Variants in GPC6 observed in about 807,000 individuals in gnomAD.
The protein encoded by GPC6 is glypican 6.
Under a neutral mutation model 55.2 loss-of-function variants are expected in GPC6, and 14 were observed. That is an observed-to-expected ratio of 0.25 (90% CI 0.17 to 0.40). GPC6 has a LOEUF of 0.40. Ranked by LOEUF, GPC6 falls within the 10% of genes least tolerant of loss-of-function variation. The pLI is 1.00. For synonymous variants in GPC6, 278 were observed against 259.6 expected (o/e 1.07, Z -0.68); for missense variants, 641 against 708.5 (o/e 0.90, Z 1.08).
chr13:93,613,946 T>A (rs1878603471), intron 2 of GPC6, among the ~76,000 whole-genome samples: 1 of 152,190 alleles, frequency 6.6e-6, no homozygotes, highest in Non-Finnish European at 1.5e-5. Flanking sequence ...ATTGCCTGGA[T>A]TCCAGTCAAT....
chr13:94,374,213 A>T (rs1474661771), intron 6 of GPC6, among the ~76,000 whole-genome samples: 4 of 150,294 alleles, frequency 2.7e-5, no homozygotes, highest in Admixed American at 1.3e-4. Context: ...CACACATAAC[A>T]ATATTAACTT....
intron 1 of GPC6, among the ~76,000 whole-genome samples, chr13:93,471,654 T>C (rs1879121553): frequency 6.6e-6 from 1 of 152,042 alleles, no homozygotes; most frequent in Non-Finnish European, 1.5e-5. Context: ...TATTTAGAAG[T>C]GTGTTGTTAG....
intron 1 of GPC6, among the ~76,000 whole-genome samples, chr13:93,360,023 A>G (rs1334017134): frequency 6.6e-6 from 1 of 152,232 alleles, no homozygotes; most frequent in Non-Finnish European, 1.5e-5. Context: ...GGAGAAGATG[A>G]AAGTTTTTTC....
intron 2 of GPC6, among the ~76,000 whole-genome samples, chr13:93,805,312 G>A (rs1886510030): frequency 6.6e-6 from 1 of 152,050 alleles, no homozygotes; most frequent in Non-Finnish European, 1.5e-5. Context: ...ATGCCACCCT[G>A]TATTCTAAGT....
chr13:94,084,862 C>T (rs1885225265), intron 4 of GPC6, among the ~76,000 whole-genome samples: 1 of 151,996 alleles, frequency 6.6e-6, no homozygotes, highest in African/African-American at 2.4e-5. Flanking sequence ...TAGGTAACAC[C>T]ACAAAGAGGC....
At chr13:94,091,910 G>T (rs1358583953) in intron 4 of GPC6, among the ~76,000 whole-genome samples, 1 of 75,084 alleles carries the variant, frequency 1.3e-5, no homozygotes, top group Non-Finnish European at 4.2e-5. Flanking sequence ...GTGTGTGTTT[G>T]TGTGTGTGTG....
chr13:93,349,704 C>T (rs1258545064), intron 1 of GPC6, among the ~76,000 whole-genome samples: 3 of 152,088 alleles, frequency 2.0e-5, no homozygotes, highest in African/African-American at 4.8e-5. Flanking sequence ...TATTTTAAGT[C>T]GAGTGAGTTT....
intron 3 of GPC6, among the ~76,000 whole-genome samples, chr13:93,850,935 G>T (rs1888371080): frequency 6.6e-6 from 1 of 151,940 alleles, no homozygotes; most frequent in Non-Finnish European, 1.5e-5. Flanking sequence ...TGAGCATTTA[G>T]ATCTGCCTTG....
rs573227018 is a variant in GPC6, at chr13:93,523,409, ATAT to A, written c.161-21850_161-21848del. 2.6e-3 allele frequency among the ~76,000 whole-genome samples: 392 copies of A among 151,170 alleles called. 1 individual carries two copies. The highest frequency in any genetic ancestry group is 9.1e-3 in the African/African-American group (378 of 41,318). On this transcript the variant is annotated intron_variant, in intron 1 of 8. Coordinates refer to ENST00000377047, the MANE Select transcript of GPC6 (RefSeq NM_005708.5). ...TGTGTATATATATATCCTCTTTTAA[ATAT>A]TATCCTTACAGTTGGTGTATGACAT...
chr13:93,881,468 T>G (rs1968889082), intron 3 of GPC6, among the ~76,000 whole-genome samples: 1 of 152,088 alleles, frequency 6.6e-6, no homozygotes, highest in African/African-American at 2.4e-5. Context: ...TAATATAATT[T>G]AGGGCCAATG....
At chr13:93,232,303 G>A (rs565195717) in intron 1 of GPC6, among the ~76,000 whole-genome samples, 2 of 152,200 alleles carry the variant, frequency 1.3e-5, no homozygotes, top group East Asian at 3.9e-4. Flanking sequence ...GTTTTTGGAA[G>A]GACAGTGTAA....
intron 2 of GPC6, among the ~76,000 whole-genome samples, chr13:93,612,149 G>A (rs890223444): frequency 1.1e-4 from 16 of 152,222 alleles, no homozygotes; most frequent in Admixed American, 2.0e-4. Flanking sequence ...GGTTTACGGC[G>A]TAAAGTGAAT....
chr13:94,351,626 T>C (rs1386502624), intron 6 of GPC6, among the ~76,000 whole-genome samples: 2 of 152,040 alleles, frequency 1.3e-5, no homozygotes, highest in South Asian at 2.1e-4. Context: ...GATGGGAAGA[T>C]CTGCTAATTA....
At chr13:94,378,820 G>A (rs542849903) in intron 6 of GPC6, among the ~76,000 whole-genome samples, 4 of 152,270 alleles carry the variant, frequency 2.6e-5, no homozygotes, top group South Asian at 2.1e-4. Flanking sequence ...TGGAGCGATC[G>A]TAAATACTGT....
chr13:94,278,677 A>G (rs997417670), intron 4 of GPC6, among the ~76,000 whole-genome samples: 3 of 152,004 alleles, frequency 2.0e-5, no homozygotes, highest in Non-Finnish European at 4.4e-5. Context: ...GGCTTTTTCT[A>G]CATTTATTGA....
intron 3 of GPC6, among the ~76,000 whole-genome samples, chr13:93,907,678 C>T (rs1876744219): frequency 6.6e-6 from 1 of 152,052 alleles, no homozygotes; most frequent in Non-Finnish European, 1.5e-5. Context: ...AGAGGTGCGA[C>T]CAGACCAAGT....
chr13:93,895,234 G>GTATGTA (rs1875934218), intron 3 of GPC6, among the ~76,000 whole-genome samples: 3 of 108,218 alleles, frequency 2.8e-5, no homozygotes, highest in South Asian at 3.2e-4. Context: ...GTGTGTGTGT[G>GTATGTA]TATATATATA....
Position 94,373,435 on chromosome 13 carries a change from G to A in GPC6, c.1153-8979G>A, listed in dbSNP as rs184643120. 1.2e-4 allele frequency among the ~76,000 whole-genome samples: 19 copies of A among 152,246 alleles called. No homozygotes were observed. The East Asian group carries it at 1.9e-3, about 15-fold the overall frequency. On this transcript the variant is annotated intron_variant, in intron 6 of 8. Transcript: ENST00000377047. ...GAAAAATGCAGAAGCCTCAGGAGCC[G>A]ATGAGATCAATTGGAAGAAAGCGTA...
At chr13:94,249,674 C>G (rs976123505) in intron 4 of GPC6, among the ~76,000 whole-genome samples, 1 of 152,106 alleles carries the variant, frequency 6.6e-6, no homozygotes, top group Non-Finnish European at 1.5e-5. Flanking sequence ...ATACCAACCC[C>G]ATCATGGAAA....
Sources: allele counts gnomAD v4.1 joint callset (sites outside exome capture counted in the v4.1 genomes callset), GRCh38; gene constraint gnomAD v4.1.1; transcripts MANE v1.5; gene names NCBI Gene and HGNC (gene_info 2026-07-23, HGNC 2026-07-21).